Variants in OPRD1 observed in about 807,000 individuals in gnomAD.
OPRD1 encodes opioid receptor delta 1, also known as delta-type opioid receptor.
Under a neutral mutation model 17.5 loss-of-function variants are expected in OPRD1, and 19 were observed. The observed-to-expected ratio is 1.09, with a 90% CI of 0.76 to 1.60. The LOEUF (loss-of-function observed/expected upper bound fraction) is 1.60. Among genes scored for constraint, OPRD1 ranks in the 40% most tolerant of loss-of-function variants. OPRD1 has a pLI of 0.00. For missense variants in OPRD1, 483 were observed against 547.2 expected, an observed-to-expected ratio of 0.88 and a Z score of 1.17; for synonymous variants, 256 against 240.9, an observed-to-expected ratio of 1.06 and a Z score of -0.58.
In OPRD1 at chr1:28,858,399, C is replaced by A. The variant is rs1049013634; in HGVS notation, c.228-555C>A. Among the ~76,000 whole-genome samples, 8 of 151,938 alleles carry A rather than the reference C, an allele frequency of 5.3e-5. No homozygotes were observed. In the East Asian group the frequency reaches 1.6e-3, roughly 30 times the overall value. On this transcript the variant is annotated intron_variant, in intron 1 of 2. Transcript: ENST00000234961. ...AAAGTGCTGGGATTACAAGCGTGAG[C>A]CACCGCGCCCGGCCAGGATTTTTCT... is the stretch of plus-strand genomic sequence containing the variant.
chr1:28,843,810 C>T, intron 1 of OPRD1, among the ~76,000 whole-genome samples: 1 of 152,026 alleles, frequency 6.6e-6, no homozygotes, highest in South Asian at 2.1e-4. Flanking sequence ...GTAAAACTGG[C>T]TTTGCCACCA....
At chr1:28,814,860 C>A (rs2088661719) in intron 1 of OPRD1, among the ~76,000 whole-genome samples, 1 of 152,176 alleles carries the variant, frequency 6.6e-6, no homozygotes, top group Non-Finnish European at 1.5e-5. Context: ...ATCTCTGGGT[C>A]TGAATGATTG....
chr1:28,823,285 C>A (rs1177058783), intron 1 of OPRD1, among the ~76,000 whole-genome samples: 6 of 151,200 alleles, frequency 4.0e-5, no homozygotes, highest in Non-Finnish European at 8.8e-5. Context: ...CACCTTCCAC[C>A]TCCTGGGTTC....
chr1:28,843,256 C>T (rs1047078316), intron 1 of OPRD1, among the ~76,000 whole-genome samples: 38 of 152,178 alleles, frequency 2.5e-4, no homozygotes, highest in African/African-American at 8.7e-4. Context: ...CTCTTGATTA[C>T]CGCCTTTTTT....
At chr1:28,817,354 A>T (rs929467177) in intron 1 of OPRD1, among the ~76,000 whole-genome samples, 10 of 152,128 alleles carry the variant, frequency 6.6e-5, no homozygotes, top group Non-Finnish European at 1.5e-4. Context: ...TGACTGCAGC[A>T]CCCAGCAGGG....
chr1:28,823,372 A>G (rs1481090634), intron 1 of OPRD1, among the ~76,000 whole-genome samples: 3 of 100,396 alleles, frequency 3.0e-5, no homozygotes, highest in South Asian at 5.9e-4. Context: ...ATTCTTTTTT[A>G]AATTTTATTT....
intron 1 of OPRD1, among the ~76,000 whole-genome samples, chr1:28,849,862 C>T (rs1376396655): frequency 2.0e-5 from 3 of 149,574 alleles, no homozygotes; most frequent in Non-Finnish European, 1.5e-5. Context: ...AAAAATAAAA[C>T]ATGAGAGTCA....
At chr1:28,836,106 C>A (rs2088850385) in intron 1 of OPRD1, among the ~76,000 whole-genome samples, 1 of 152,172 alleles carries the variant, frequency 6.6e-6, no homozygotes, top group African/African-American at 2.4e-5. Context: ...GGGTGTGGAG[C>A]AATTTTAACA....
chr1:28,838,519 G>A (rs1377294228), intron 1 of OPRD1, among the ~76,000 whole-genome samples: 2 of 152,150 alleles, frequency 1.3e-5, no homozygotes, highest in African/African-American at 4.8e-5. Context: ...CAGCACTGAA[G>A]TTCCAACACA....
In OPRD1 at chr1:28,863,333, CAT is replaced by C; in HGVS notation, c.*51_*52del. On this transcript the variant is annotated 3_prime_UTR_variant, in exon 3 of 3. Coordinates refer to ENST00000234961, the MANE Select transcript of OPRD1 (RefSeq NM_000911.4). ...CCCCTCCCTAGTGACCCGGAGGCCACATGAGTCCCAGTGGGAGGCGCGAGCCA... is the reference window on the plus strand; with the variant it reads ...CCCCTCCCTAGTGACCCGGAGGCCACGAGTCCCAGTGGGAGGCGCGAGCCA... The C allele has an allele frequency of 7.1e-7, 1 of 1,399,554 alleles. No homozygotes were observed. The highest frequency in any genetic ancestry group is 9.2e-7 in the Non-Finnish European group (1 of 1,085,838). The allele number at this position is 1,399,554 out of a possible 1,614,324, so 86.7% of individuals were successfully genotyped here.
intron 1 of OPRD1, among the ~76,000 whole-genome samples, chr1:28,825,626 C>T (rs1371103959): frequency 1.3e-5 from 2 of 152,186 alleles, no homozygotes; most frequent in Non-Finnish European, 2.9e-5. Context: ...CCTTGTGATC[C>T]GCCTGCCTCA....
At chr1:28,857,023 C>T (rs1261844136) in intron 1 of OPRD1, among the ~76,000 whole-genome samples, 2 of 152,088 alleles carry the variant, frequency 1.3e-5, no homozygotes, top group Non-Finnish European at 2.9e-5. Flanking sequence ...CAGGGGGTCT[C>T]AGACCCCAGC....
Position 28,824,313 on chromosome 1 carries a change from CTTT to C in OPRD1, c.227+11720_227+11722del, listed in dbSNP as rs58074384. On this transcript the variant is annotated intron_variant, in intron 1 of 2. Transcript: ENST00000234961. ...TGGATGATGGTTCTTTTTCTTTTTT[CTTT>C]TTTTTTTTTTTTTTTTGAGATGGCG... Among the ~76,000 whole-genome samples the C allele has an allele frequency of 3.3e-3, 363 of 109,800 alleles. 1 individual carries two copies. Among genetic ancestry groups the C allele is most frequent in the African/African-American group, 0.013 (346 of 27,356 alleles). The allele number at this position is 109,800 out of a possible 152,430, so 72.0% of individuals were successfully genotyped here.
At chr1:28,823,452 A>G (rs2088733753) in intron 1 of OPRD1, among the ~76,000 whole-genome samples, 1 of 151,872 alleles carries the variant, frequency 6.6e-6, no homozygotes, top group African/African-American at 2.4e-5. Context: ...GCTGGAGTGC[A>G]ATGGCATGAT....
chr1:28,812,257 G>C lies in OPRD1; in HGVS notation c.-127G>C. On this transcript the variant is annotated 5_prime_UTR_variant, in exon 1 of 3. Coordinates refer to ENST00000234961, the MANE Select transcript of OPRD1 (RefSeq NM_000911.4). ...CAGGCGGACGAGGCGCAGAGACAGC[G>C]GGGCGGCCGGGGCGCGGCAGCCGGC... is the stretch of plus-strand genomic sequence containing the variant. The C allele has an allele frequency of 2.1e-6, 1 of 466,726 alleles. No individual in the cohort carries two copies. The highest frequency in any genetic ancestry group is 3.1e-6 in the Non-Finnish European group (1 of 326,836). The allele number at this position is 466,726 out of a possible 1,614,324, so 28.9% of individuals were successfully genotyped here. A position where few individuals can be genotyped will look rare whatever the true frequency, so the allele number is the denominator to read the frequency against.
intron 1 of OPRD1, among the ~76,000 whole-genome samples, chr1:28,853,741 CT>C (rs997848528): frequency 6.1e-4 from 89 of 145,036 alleles, no homozygotes; most frequent in African/African-American, 1.8e-3. Flanking sequence ...ATAAAATTTT[CT>C]TTTTTTTTTC....
At position 28,863,253 on chromosome 1, in the gene OPRD1, C is replaced by A. The variant is rs567567465; in HGVS notation, c.1089C>A (p.Ser363=). Residue 363 remains serine (S), a synonymous_variant, in exon 3 of 3, where the codon TCC becomes TCA. Transcript: ENST00000234961. ...AGCGTGTCACCGCCTGCACCCCGTCCGATGGTCCCGGCGGTGGCGCTGCCG... is the reference window on the plus strand; with the variant it reads ...AGCGTGTCACCGCCTGCACCCCGTCAGATGGTCCCGGCGGTGGCGCTGCCG... ...ARERVTACTP[S]DGPGGGAAA 1.3e-6 allele frequency: 2 copies of A among 1,511,310 alleles called. No individual in the cohort carries two copies. Among genetic ancestry groups the A allele is most frequent in the East Asian group, 4.9e-5 (2 of 41,158 alleles). 93.6% of individuals were successfully genotyped at this position (1,511,310 alleles called of 1,614,324 possible). A position where few individuals can be genotyped will look rare whatever the true frequency, so the allele number is the denominator to read the frequency against.
At chr1:28,839,253 C>T (rs999976206) in intron 1 of OPRD1, among the ~76,000 whole-genome samples, 1 of 152,146 alleles carries the variant, frequency 6.6e-6, no homozygotes, top group Non-Finnish European at 1.5e-5. Flanking sequence ...CCAGGCTCTT[C>T]TTAGTTTGCA....
At chr1:28,817,663 C>G (rs906692789) in intron 1 of OPRD1, among the ~76,000 whole-genome samples, 5 of 152,126 alleles carry the variant, frequency 3.3e-5, no homozygotes, top group African/African-American at 1.2e-4. Context: ...AGCGCCTGGT[C>G]TCTATCCATG....
Sources: gnomAD v4.1 joint callset for allele counts (sites outside exome capture counted in the v4.1 genomes callset) on GRCh38, gnomAD v4.1.1 for gene constraint, MANE v1.5 for transcripts, NCBI Gene and HGNC (gene_info 2026-07-23, HGNC 2026-07-21) for gene names.